The following DHDDS variants were observed in gnomAD, a reference collection of about 807,000 sequenced individuals.
The protein encoded by DHDDS is dehydrodolichyl diphosphate synthase subunit.
DHDDS carries 16 observed loss-of-function variants against 46.2 expected under a neutral mutation model. The observed-to-expected ratio is 0.35, with a 90% CI of 0.23 to 0.53. DHDDS has a LOEUF of 0.53. DHDDS is among the 20% of genes least tolerant of loss of function. DHDDS has a pLI of 0.94. For synonymous variants in DHDDS, 151 were observed against 163.1 expected (o/e 0.93, Z 0.56); for missense variants, 340 against 423.7 (o/e 0.80, Z 1.73).
intron 8 of DHDDS, chr1:26,467,118 C>T (rs992790659): frequency 1.3e-5 from 4 of 298,366 alleles, no homozygotes; most frequent in African/African-American, 4.4e-5. Flanking sequence ...GTCACTGCTC[C>T]GTGATGTTCA....
At chr1:26,464,940 G>A (rs1036768593) in intron 8 of DHDDS, among the ~76,000 whole-genome samples, 2 of 152,190 alleles carry the variant, frequency 1.3e-5, no homozygotes, top group African/African-American at 4.8e-5. Flanking sequence ...AAGTTGTGGG[G>A]AGCCAGACCT....
chr1:26,463,992 CTTTT>C (rs60149042), intron 8 of DHDDS, among the ~76,000 whole-genome samples: 2 of 93,768 alleles, frequency 2.1e-5, no homozygotes, highest in Non-Finnish European at 4.0e-5. Context: ...TATTTGCAAA[CTTTT>C]TTTTTTTTTT....
At chr1:26,462,747 TAACTC>T (rs2075437573) in intron 8 of DHDDS, 1 of 152,218 alleles carries the variant, frequency 6.6e-6, no homozygotes, top group Non-Finnish European at 1.5e-5. Context: ...TCAGAGGAGT[TAACTC>T]AAGTTTCATT....
chr1:26,465,079 G>T (rs2075468868), intron 8 of DHDDS, among the ~76,000 whole-genome samples: 1 of 152,196 alleles, frequency 6.6e-6, no homozygotes, highest in African/African-American at 2.4e-5. Context: ...TAGAGAATCA[G>T]GCCAGGGAGG....
chr1:26,468,820 CCTACCTCCT>C, intron 8 of DHDDS, 66 bp from the exon 9 acceptor site: 1 of 1,536,134 alleles, frequency 6.5e-7, no homozygotes, highest in East Asian at 2.4e-5. Flanking sequence ...TGCCCCACCC[CCTACCTCCT>C]CCATCCCAGT....
At chr1:26,457,547 A>G (rs2075382264) in intron 6 of DHDDS, among the ~76,000 whole-genome samples, 1 of 136,978 alleles carries the variant, frequency 7.3e-6, no homozygotes, top group Non-Finnish European at 1.5e-5. Flanking sequence ...AGAGAAAAGA[A>G]TTTTACATTG....
At chr1:26,434,685 C>T (rs1368453430) in intron 2 of DHDDS, among the ~76,000 whole-genome samples, 1 of 152,168 alleles carries the variant, frequency 6.6e-6, no homozygotes, top group Non-Finnish European at 1.5e-5. Context: ...TGCAGTCTTA[C>T]TCTGTTGCCC....
chr1:26,459,394 C>T (rs1328419086), intron 7 of DHDDS, among the ~76,000 whole-genome samples: 1 of 152,206 alleles, frequency 6.6e-6, no homozygotes, highest in East Asian at 1.9e-4. Flanking sequence ...GGGGATTCTT[C>T]ATCAGTGATT....
At chr1:26,460,488 A>G (rs2075411633) in intron 8 of DHDDS, among the ~76,000 whole-genome samples, 1 of 152,228 alleles carries the variant, frequency 6.6e-6, no homozygotes. Flanking sequence ...CAGGAGGAAA[A>G]GGCTTCTCAG....
At chr1:26,454,572 A>C in intron 6 of DHDDS, 2 of 714,252 alleles carry the variant, frequency 2.8e-6, no homozygotes, top group Non-Finnish European at 4.8e-6. Context: ...TATAAGGTGG[A>C]TAGGACAAAT....
rs183161298 is a variant in DHDDS at position 26,457,393 on chromosome 1, C to T, written c.543-398C>T. On this transcript the variant is annotated intron_variant, in intron 6 of 8. Coordinates refer to ENST00000236342, the MANE Select transcript of DHDDS (RefSeq NM_205861.3). Reference sequence around the variant, plus strand: ...GAGGCTGAGGCAGAATGGCATGAACCTGGGAGGCAGAGTTTGCAGTGAGCC... The same window carrying T: ...GAGGCTGAGGCAGAATGGCATGAACTTGGGAGGCAGAGTTTGCAGTGAGCC... Among the ~76,000 whole-genome samples, 306 of 151,514 alleles carry T rather than the reference C, an allele frequency of 2.0e-3. 2 individuals carry two copies. The highest frequency in any genetic ancestry group is 7.1e-3 in the African/African-American group (295 of 41,302).
At chr1:26,450,662 T>C (rs2124450407) in intron 6 of DHDDS, among the ~76,000 whole-genome samples, 1 of 152,260 alleles carries the variant, frequency 6.6e-6, no homozygotes, top group African/African-American at 2.4e-5. Flanking sequence ...GAAACAATGG[T>C]GTCAAATGCT....
intron 8 of DHDDS, 84 bp from the exon 9 acceptor site, chr1:26,468,811 G>GGCCCCCCCCCCAACCACC: frequency 1.6e-6 from 1 of 637,986 alleles, no homozygotes. Flanking sequence ...CCCACCCTGT[G>GGCCCCCCCCCCAACCACC]CCCCACCCCC....
intron 8 of DHDDS, chr1:26,463,319 C>G (rs1446371052): frequency 6.6e-6 from 1 of 152,142 alleles, no homozygotes; most frequent in Non-Finnish European, 1.5e-5. Flanking sequence ...ACAAGTGAAA[C>G]TAGCTATATC....
intron 6 of DHDDS, among the ~76,000 whole-genome samples, chr1:26,448,725 G>A (rs1248437397): frequency 3.9e-5 from 6 of 152,184 alleles, no homozygotes; most frequent in African/African-American, 1.4e-4. Flanking sequence ...CAAGGCTGTT[G>A]TCCATTGTGT....
At chr1:26,464,959 G>A (rs2075467236) in intron 8 of DHDDS, among the ~76,000 whole-genome samples, 1 of 152,216 alleles carries the variant, frequency 6.6e-6, no homozygotes, top group African/African-American at 2.4e-5. Flanking sequence ...CTTGGTATCT[G>A]AATGGACCAT....
At chr1:26,451,631 CT>C (rs201092863) in intron 6 of DHDDS, among the ~76,000 whole-genome samples, 2,793 of 129,900 alleles carry the variant, frequency 0.022, 74 homozygotes, top group African/African-American at 0.07. Context: ...ATTTTTTTTT[CT>C]TTTTTTTTTT....
intron 8 of DHDDS, among the ~76,000 whole-genome samples, chr1:26,468,403 G>A (rs558243686): frequency 4.6e-5 from 7 of 152,244 alleles, no homozygotes; most frequent in Non-Finnish European, 7.4e-5. Context: ...TTCTTGCAGC[G>A]GAGAATAGAC....
intron 2 of DHDDS, among the ~76,000 whole-genome samples, chr1:26,437,796 G>GA (rs886306490): frequency 0.011 from 1,360 of 127,452 alleles, 11 homozygotes; most frequent in African/African-American, 0.014. Flanking sequence ...CTTAAAAAAA[G>GA]AAAAAAAAAA....
Sources: allele counts gnomAD v4.1 joint callset (sites outside exome capture counted in the v4.1 genomes callset), GRCh38; gene constraint gnomAD v4.1.1; transcripts MANE v1.5; gene names NCBI Gene and HGNC (gene_info 2026-07-23, HGNC 2026-07-21).